ASIC2: variants seen among roughly 807,000 people sequenced by gnomAD.
The protein encoded by ASIC2 is acid-sensing ion channel 2.
In ASIC2, 25 loss-of-function variants were observed where a neutral mutation model predicts 57.3. The observed-to-expected ratio is 0.44, with a 90% CI of 0.32 to 0.61. ASIC2 has a LOEUF of 0.61. ASIC2 is among the 20% of genes least tolerant of loss of function. The pLI, the probability that ASIC2 is intolerant of heterozygous loss-of-function variation, is 0.06. For missense variants in ASIC2, 641 were observed against 738.1 expected (o/e 0.87, Z 1.52); for synonymous variants, 319 against 307.5 (o/e 1.04, Z -0.39).
At chr17:33,430,645 T>C (rs570757352) in intron 1 of ASIC2, among the ~76,000 whole-genome samples, 18 of 152,186 alleles carry the variant, frequency 1.2e-4, no homozygotes, top group Non-Finnish European at 2.2e-4. Context: ...AGCTACTCAG[T>C]TCCAACCTGC....
At chr17:33,456,634 C>T (rs1912462163) in intron 1 of ASIC2, among the ~76,000 whole-genome samples, 1 of 152,112 alleles carries the variant, frequency 6.6e-6, no homozygotes, top group South Asian at 2.1e-4. Flanking sequence ...GGGCATCTGC[C>T]AGGTGCTTAG....
chr17:34,108,449 T>G (rs1343731707), intron 1 of ASIC2, among the ~76,000 whole-genome samples: 1 of 152,206 alleles, frequency 6.6e-6, no homozygotes, highest in Non-Finnish European at 1.5e-5. Flanking sequence ...TATTTACTTT[T>G]ATTGGTTTCA....
At chr17:33,856,580 C>CAGTAGCAGCATGAGGAGAAGTGGT (rs1913960772) in intron 1 of ASIC2, among the ~76,000 whole-genome samples, 1 of 15,222 alleles carries the variant, frequency 6.6e-5, no homozygotes. Context: ...GTGCTGTTGG[C>CAGTAGCAGCATGAGGAGAAGTGGT]TGTAGTATCC....
At chr17:33,276,827 A>G (rs1462690641) in intron 1 of ASIC2, among the ~76,000 whole-genome samples, 1 of 152,246 alleles carries the variant, frequency 6.6e-6, no homozygotes, top group Admixed American at 6.5e-5. Context: ...AGGATTCAGG[A>G]CAAGGTGGGC....
chr17:33,218,150 G>A (rs1337374817), intron 1 of ASIC2, among the ~76,000 whole-genome samples: 2 of 152,188 alleles, frequency 1.3e-5, no homozygotes. Context: ...TGTTGACTCT[G>A]GCACAGAACT....
intron 1 of ASIC2, among the ~76,000 whole-genome samples, chr17:33,734,255 T>C (rs1453878223): frequency 6.6e-6 from 1 of 151,350 alleles, no homozygotes; most frequent in African/African-American, 2.4e-5. Flanking sequence ...CCTGTGTTCC[T>C]GTGTGTGGCC....
chr17:33,405,233 T>C (rs1910426646), intron 1 of ASIC2, among the ~76,000 whole-genome samples: 1 of 152,112 alleles, frequency 6.6e-6, no homozygotes. Context: ...GAGGCAGATA[T>C]GGGAATCATT....
intron 1 of ASIC2, among the ~76,000 whole-genome samples, chr17:33,610,648 G>C (rs1397061033): frequency 1.3e-5 from 2 of 151,988 alleles, no homozygotes; most frequent in African/African-American, 2.4e-5. Context: ...AGGATCAGTT[G>C]AGCCCAGGAG....
intron 1 of ASIC2, among the ~76,000 whole-genome samples, chr17:33,183,294 C>A (rs1378483684): frequency 6.6e-6 from 1 of 152,186 alleles, no homozygotes; most frequent in Non-Finnish European, 1.5e-5. Flanking sequence ...AGTTTTATTA[C>A]TTTCAAATGT....
chr17:33,533,230 C>T (rs1008894344), intron 1 of ASIC2, among the ~76,000 whole-genome samples: 5 of 152,036 alleles, frequency 3.3e-5, no homozygotes, highest in African/African-American at 1.2e-4. Flanking sequence ...CCTGTAATCC[C>T]AGCTACTAGG....
chr17:33,393,691 G>A (rs1909979360), intron 1 of ASIC2, among the ~76,000 whole-genome samples: 1 of 152,164 alleles, frequency 6.6e-6, no homozygotes, highest in African/African-American at 2.4e-5. Context: ...AGTTCCAGTT[G>A]GTGATCTAAG....
At chr17:34,085,405 A>G (rs1165836425) in intron 1 of ASIC2, among the ~76,000 whole-genome samples, 1 of 152,200 alleles carries the variant, frequency 6.6e-6, no homozygotes, top group Non-Finnish European at 1.5e-5. Flanking sequence ...ATCATGGTGG[A>G]TAAGCTTTCT....
At chr17:34,152,935 G>A (rs1490716479) in intron 1 of ASIC2, among the ~76,000 whole-genome samples, 4 of 151,616 alleles carry the variant, frequency 2.6e-5, no homozygotes, top group Admixed American at 1.3e-4. Context: ...GGGAAAAAAC[G>A]TGTGCTTATC....
At chr17:33,820,445 A>G (rs1912709758) in intron 1 of ASIC2, among the ~76,000 whole-genome samples, 1 of 152,154 alleles carries the variant, frequency 6.6e-6, no homozygotes, top group Non-Finnish European at 1.5e-5. Flanking sequence ...AATATTTTGG[A>G]TATATTGGGT....
At chr17:33,840,265 C>T (rs991269958) in intron 1 of ASIC2, among the ~76,000 whole-genome samples, 1 of 152,164 alleles carries the variant, frequency 6.6e-6, no homozygotes, top group East Asian at 1.9e-4. Context: ...GGGCAGACCA[C>T]ACACCAAGTG....
chr17:33,112,067 C>A lies in ASIC2; in HGVS notation c.709G>T (p.Val237Leu). The stretch of plus-strand genomic sequence containing the variant: ...TAACACTTCCCATATTTTGTAAACA[C>A]CTGAAGGAGAGAAGAGAGAGAGAGA... Reference protein sequence around the residue: ...ELCGPHNFSSVFTKYGKCYMF... With the variant: ...ELCGPHNFSSLFTKYGKCYMF... Residue 237 changes from valine to leucine, a missense_variant and splice_region_variant, in exon 2 of 10, where the codon GTG (valine) becomes TTG (leucine). Physicochemically the swap from Val to Leu is conservative, Grantham distance 32. Around this residue, in one of 3 missense-constraint regions of ASIC2, gnomAD observed 382 missense variants for 398.0 expected, o/e 0.96. Coordinates refer to ENST00000225823, the MANE Select transcript of ASIC2 (RefSeq NM_183377.2). 6.2e-7 allele frequency: 1 copy of A among 1,612,502 alleles called. No individual in the cohort carries two copies. The highest frequency in any genetic ancestry group is 8.5e-7 in the Non-Finnish European group (1 of 1,179,262).
chr17:33,481,521 C>CAAG (rs10643543), intron 1 of ASIC2, among the ~76,000 whole-genome samples: 62,061 of 151,868 alleles, frequency 0.41, 12,813 homozygotes, highest in South Asian at 0.55. Flanking sequence ...CATCCATTCA[C>CAAG]AAGAAAGAGT....
At chr17:33,978,018 G>A (rs993935760) in intron 1 of ASIC2, among the ~76,000 whole-genome samples, 5 of 152,224 alleles carry the variant, frequency 3.3e-5, no homozygotes, top group Non-Finnish European at 7.3e-5. Flanking sequence ...TGACTCATGG[G>A]CTGTGGAGTC....
chr17:33,889,727 C>T (rs1050010582), intron 1 of ASIC2, among the ~76,000 whole-genome samples: 1 of 152,158 alleles, frequency 6.6e-6, no homozygotes, highest in African/African-American at 2.4e-5. Flanking sequence ...GACAGATAAT[C>T]AGCCCTCACT....
Sources: allele counts gnomAD v4.1 joint callset (sites outside exome capture counted in the v4.1 genomes callset), GRCh38; gene constraint gnomAD v4.1.1; regional missense constraint gnomAD v4.1.1; transcripts MANE v1.5; gene names NCBI Gene and HGNC (gene_info 2026-07-23, HGNC 2026-07-21).